The following ZNF639 variants were observed in gnomAD, a reference collection of about 807,000 sequenced individuals.
ZNF639 encodes the protein zinc finger amplified in esophageal squamous cell carcinomas 1.
In ZNF639, 20 loss-of-function variants were observed where a neutral mutation model predicts 39.8. The ratio of observed to expected loss-of-function variants is 0.50; its 90% CI spans 0.35 to 0.73. The LOEUF is 0.73. ZNF639 is among the 30% of genes least tolerant of loss of function. The pLI is 0.00. For synonymous variants in ZNF639, 176 were observed against 189.8 expected, an observed-to-expected ratio of 0.93 and a Z score of 0.60; for missense variants, 477 against 566.2, an observed-to-expected ratio of 0.84 and a Z score of 1.60.
chr3:179,332,710 G>A (rs1576992391), intron 4 of ZNF639, among the ~76,000 whole-genome samples: 1 of 152,116 alleles, frequency 6.6e-6, no homozygotes, highest in Non-Finnish European at 1.5e-5. Flanking sequence ...TGGCCTGAGG[G>A]TATAAAGGCT....
chr3:179,332,267 A>G (rs979175424), intron 4 of ZNF639, among the ~76,000 whole-genome samples: 2 of 152,246 alleles, frequency 1.3e-5, no homozygotes, highest in East Asian at 1.9e-4. Flanking sequence ...TCTCCATACT[A>G]TCCTCTCAGA....
At position 179,333,970 on chromosome 3, in the gene ZNF639, G is replaced by GTC. The variant is rs1199546178; in HGVS notation, c.1007_1008insCT (p.Val337TrpfsTer2). On this transcript the variant is annotated frameshift_variant, in exon 6 of 6. Transcript: ENST00000496856. LOFTEE classifies it high-confidence loss of function. ...TGATCCAGAAGACTTGCATAGCCAT[G>GTC]TGGTAAATGAGCATGCATGTAAATT... The GTC allele has an allele frequency of 6.8e-6, 11 of 1,614,016 alleles. No homozygotes were observed. The Admixed American group carries it at 1.8e-4, about 27-fold the overall frequency.
chr3:179,329,766 T>A lies in ZNF639; in HGVS notation c.169+38T>A, dbSNP rs749209154. ...TTTTCGAAAATATGTTTCTTTAAAC[T>A]GCTTTTACATTTTTTATTCCTTACT... On this transcript the variant is annotated intron_variant, in intron 4 of 5. Transcript: ENST00000496856. The A allele has an allele frequency of 1.9e-5, 21 of 1,120,880 alleles. 1 individual carries two copies. The South Asian group carries it at 3.2e-4, about 17-fold the overall frequency. The allele number at this position is 1,120,880 out of a possible 1,614,324, so 69.4% of individuals were successfully genotyped here. A position where few individuals can be genotyped will look rare whatever the true frequency, so the allele number is the denominator to read the frequency against.
At chr3:179,329,802 G>T (rs1727802708) in intron 4 of ZNF639, 74 bp downstream of exon 4, 2 of 713,064 alleles carry the variant, frequency 2.8e-6, no homozygotes, top group Middle Eastern at 3.9e-4. Context: ...TGAAAATGTG[G>T]GTAAAATGTG....
chr3:179,323,344 G>C, intron 1 of ZNF639, 53 bp downstream of exon 1: 1 of 985,694 alleles, frequency 1.0e-6, no homozygotes, highest in Non-Finnish European at 1.2e-6. Flanking sequence ...TCCAGGGGAC[G>C]CGGGCGTGCG....
chr3:179,328,600 T>C (rs933418104), intron 3 of ZNF639, among the ~76,000 whole-genome samples: 6 of 152,218 alleles, frequency 3.9e-5, no homozygotes, highest in African/African-American at 1.4e-4. Flanking sequence ...TAAAATTAGA[T>C]AGCCAAGGTT....
chr3:179,328,374 G>C lies in ZNF639; in HGVS notation c.58+23G>C. 2.0e-6 allele frequency: 3 copies of C among 1,513,184 alleles called. No homozygotes were observed. The South Asian group carries it at 3.7e-5, about 19-fold the overall frequency. 93.7% of individuals were successfully genotyped at this position (1,513,184 alleles called of 1,614,324 possible). A position where few individuals can be genotyped will look rare whatever the true frequency, so the allele number is the denominator to read the frequency against. On this transcript the variant is annotated intron_variant, in intron 3 of 5. Transcript: ENST00000496856. ...CAGGTCAGTGTATAATTATTTTAAA[G>C]TTGGGTATGGATTAATTCCCACAAA...
chr3:179,329,735 C>G lies in ZNF639; in HGVS notation c.169+7C>G, dbSNP rs1276639113. 2 of 1,490,136 alleles carry G rather than the reference C, an allele frequency of 1.3e-6. No individual in the cohort carries two copies. Among genetic ancestry groups the G allele is most frequent in the Admixed American group, 2.0e-5 (1 of 50,564 alleles). The allele number at this position is 1,490,136 out of a possible 1,614,324, so 92.3% of individuals were successfully genotyped here. A position where few individuals can be genotyped will look rare whatever the true frequency, so the allele number is the denominator to read the frequency against. ...AAATATTTTGACAACAAAGGTATAT[C>G]TAATATTTTCGAAAATATGTTTCTT... On this transcript the variant is annotated splice_region_variant and intron_variant, in intron 4 of 5. Coordinates refer to ENST00000496856, the MANE Select transcript of ZNF639 (RefSeq NM_001303426.2).
chr3:179,323,074 C>G lies in ZNF639; in HGVS notation c.-300C>G. On this transcript the variant is annotated 5_prime_UTR_variant, in exon 1 of 6. Coordinates refer to ENST00000496856, the MANE Select transcript of ZNF639 (RefSeq NM_001303426.2). ...GCGGAGCGTGGCGGCCAGGGCAGTG[C>G]GGCCGCGGAGCCTAGGCCAGGGGCC... 1 of 984,948 alleles carries G rather than the reference C, an allele frequency of 1.0e-6. No individual in the cohort carries two copies. The highest frequency in any genetic ancestry group is 1.2e-6 in the Non-Finnish European group (1 of 829,966). The allele number at this position is 984,948 out of a possible 1,614,324, so 61.0% of individuals were successfully genotyped here. A position where few individuals can be genotyped will look rare whatever the true frequency, so the allele number is the denominator to read the frequency against.
At chr3:179,328,252 A>G in intron 2 of ZNF639, 31 bp from the exon 3 acceptor site, 2 of 1,236,024 alleles carry the variant, frequency 1.6e-6, no homozygotes, top group East Asian at 2.4e-5. Context: ...GTTATTTGTG[A>G]CATATTTGTT....
chr3:179,326,669 G>T (rs1175948557), intron 1 of ZNF639, among the ~76,000 whole-genome samples: 1 of 151,336 alleles, frequency 6.6e-6, no homozygotes, highest in Admixed American at 6.6e-5. Flanking sequence ...CTGTTGCCCA[G>T]GCTGGAGTGC....
rs1242702017 is a variant in ZNF639, at chr3:179,335,126, G to A, written c.*704G>A. On this transcript the variant is annotated 3_prime_UTR_variant, in exon 6 of 6. Coordinates refer to ENST00000496856, the MANE Select transcript of ZNF639 (RefSeq NM_001303426.2). ...ATATTTTTTTCTTAGAGATGGTCTCGTTCTGTTGTCCAGGATGGAGTGCAG... is the reference window on the plus strand; with the variant it reads ...ATATTTTTTTCTTAGAGATGGTCTCATTCTGTTGTCCAGGATGGAGTGCAG... The A allele has an allele frequency of 6.6e-6, 1 of 152,102 alleles. No homozygotes were observed. Among genetic ancestry groups the A allele is most frequent in the Non-Finnish European group, 1.5e-5 (1 of 68,032 alleles). 9.4% of individuals were successfully genotyped at this position (152,102 alleles called of 1,614,324 possible).
chr3:179,331,775 CA>C (rs56708873), intron 4 of ZNF639, among the ~76,000 whole-genome samples: 24,079 of 80,258 alleles, frequency 0.3, 1,604 homozygotes, highest in Admixed American at 0.38. Context: ...AACTCCATCT[CA>C]AAAAAAAAAA....
intron 4 of ZNF639, among the ~76,000 whole-genome samples, chr3:179,331,102 G>A (rs1021759687): frequency 6.6e-5 from 10 of 152,164 alleles, no homozygotes; most frequent in Admixed American, 2.6e-4. Context: ...ATTTTGTAGT[G>A]CTGGAAAATA....
chr3:179,337,291 A>G lies in ZNF639; in HGVS notation c.*2869A>G, dbSNP rs555479984. 15 of 151,888 alleles carry G rather than the reference A, an allele frequency of 9.9e-5. No homozygotes were observed. Among genetic ancestry groups the G allele is most frequent in the Admixed American group, 2.6e-4 (4 of 15,226 alleles). The allele number at this position is 151,888 out of a possible 1,614,324, so 9.4% of individuals were successfully genotyped here. A position where few individuals can be genotyped will look rare whatever the true frequency, so the allele number is the denominator to read the frequency against. ...AAAAAGAAAAGAAGAAAAGATTGCAATGCAGCTACTCAAGAGACATATATC... is the reference window on the plus strand; with the variant it reads ...AAAAAGAAAAGAAGAAAAGATTGCAGTGCAGCTACTCAAGAGACATATATC... On this transcript the variant is annotated 3_prime_UTR_variant, in exon 6 of 6. Coordinates refer to ENST00000496856, the MANE Select transcript of ZNF639 (RefSeq NM_001303426.2).
intron 1 of ZNF639, 23 bp from the exon 2 acceptor site, chr3:179,327,538 C>T (rs905870736): frequency 6.6e-6 from 1 of 152,126 alleles, no homozygotes; most frequent in Non-Finnish European, 1.5e-5. Context: ...TGCTTAATAA[C>T]TTCTTTCATG....
rs1199272392 is a variant in ZNF639 at position 179,334,352 on chromosome 3, G to A, written c.1388G>A (p.Ser463Asn). The change falls in exon 6 of 6, where the codon AGT becomes AAT. Residue 463 changes from serine (S) to asparagine (N), a missense_variant. Transcript: ENST00000496856. ...TCAGCTGACTTGCCTCATAAATGTAGTGACTGCTTGATGAGGTTTGGAAAT... is the reference window on the plus strand; with the variant it reads ...TCAGCTGACTTGCCTCATAAATGTAATGACTGCTTGATGAGGTTTGGAAAT... ...KHSADLPHKC[S>N]DCLMRFGNER... The A allele has an allele frequency of 6.2e-7, 1 of 1,607,234 alleles. No individual in the cohort carries two copies.
chr3:179,324,722 C>CT lies in ZNF639; in HGVS notation c.-83+1433dup, dbSNP rs34242958. On this transcript the variant is annotated intron_variant, in intron 1 of 5. Transcript: ENST00000496856. Reference sequence around the variant, plus strand: ...ACCTAACAGCCTGAATCCAGGCCAGCTTGCAACGTTGATTTTAATACCACG... The same window carrying CT: ...ACCTAACAGCCTGAATCCAGGCCAGCTTTGCAACGTTGATTTTAATACCACG... Among the ~76,000 whole-genome samples the CT allele has an allele frequency of 1.8e-3, 268 of 152,310 alleles. 2 individuals are homozygous for CT. The highest frequency in any genetic ancestry group is 4.3e-3 in the Admixed American group (65 of 15,292).
chr3:179,326,781 A>T (rs377740988), intron 1 of ZNF639, among the ~76,000 whole-genome samples: 1 of 151,632 alleles, frequency 6.6e-6, no homozygotes, highest in South Asian at 2.1e-4. Flanking sequence ...GCGCACCATC[A>T]CACCCGGCTG....
Sources: allele counts gnomAD v4.1 joint callset (sites outside exome capture counted in the v4.1 genomes callset), GRCh38; gene constraint gnomAD v4.1.1; transcripts MANE v1.5; gene names NCBI Gene and HGNC (gene_info 2026-07-23, HGNC 2026-07-21).